Variants in SETBP1 observed in about 807,000 individuals in gnomAD.
SETBP1 encodes the protein SET binding protein 1, also known as SET-binding protein.
Under a neutral mutation model 101.0 loss-of-function variants are expected in SETBP1, and 9 were observed. The ratio of observed to expected loss-of-function variants is 0.09; its 90% CI spans 0.05 to 0.16. The LOEUF is 0.16. SETBP1 is among the 10% of genes least tolerant of loss of function. The pLI is 1.00. For synonymous variants in SETBP1, 818 were observed against 788.5 expected (o/e 1.04, Z -0.63); for missense variants, 1,858 against 2,033.8 (o/e 0.91, Z 1.66).
intron 5 of SETBP1, among the ~76,000 whole-genome samples, chr18:45,050,256 C>A (rs1408724099): frequency 6.6e-6 from 1 of 152,192 alleles, no homozygotes; most frequent in East Asian, 1.9e-4. Flanking sequence ...AGGTATGATA[C>A]AAAGCATAGC....
At chr18:44,680,583 C>T (rs1280940676), upstream of SETBP1, among the ~76,000 whole-genome samples, 3 of 152,034 alleles carry the variant, frequency 2.0e-5, no homozygotes, top group Admixed American at 6.5e-5. Context: ...GGCGGGATGC[C>T]GGTCCGGGCG....
intron 4 of SETBP1, among the ~76,000 whole-genome samples, chr18:44,977,373 C>G (rs765147854): frequency 6.6e-6 from 1 of 152,186 alleles, no homozygotes; most frequent in Non-Finnish European, 1.5e-5. Context: ...AAACCCTGGC[C>G]AATGTACAAT....
chr18:44,880,040 C>T (rs754127495), intron 3 of SETBP1, among the ~76,000 whole-genome samples: 7 of 152,242 alleles, frequency 4.6e-5, no homozygotes, highest in Non-Finnish European at 1.0e-4. Context: ...GGCTCCTACC[C>T]TGTGGAAGAT....
At chr18:44,852,561 A>G (rs138700879) in intron 2 of SETBP1, among the ~76,000 whole-genome samples, 1 of 152,162 alleles carries the variant, frequency 6.6e-6, no homozygotes, top group African/African-American at 2.4e-5. Context: ...TAATATTCTC[A>G]CTAATATCAT....
intron 5 of SETBP1, among the ~76,000 whole-genome samples, chr18:45,055,428 A>C (rs912213281): frequency 6.6e-6 from 1 of 152,166 alleles, no homozygotes; most frequent in Non-Finnish European, 1.5e-5. Context: ...TTTAAATTTC[A>C]TTTTACCTAT....
At chr18:44,875,320 A>T (rs901001484) in intron 3 of SETBP1, among the ~76,000 whole-genome samples, 1 of 151,886 alleles carries the variant, frequency 6.6e-6, no homozygotes, top group African/African-American at 2.4e-5. Context: ...AGAGATCGAG[A>T]CCTCCTGGCC....
chr18:45,051,997 C>T (rs192649205), intron 5 of SETBP1, among the ~76,000 whole-genome samples: 7 of 151,616 alleles, frequency 4.6e-5, no homozygotes, highest in Non-Finnish European at 1.0e-4. Flanking sequence ...CAAAATAGAT[C>T]GTAAGTGCTA....
At chr18:44,898,231 T>C (rs2069954976) in intron 3 of SETBP1, among the ~76,000 whole-genome samples, 2 of 152,220 alleles carry the variant, frequency 1.3e-5, no homozygotes, top group African/African-American at 4.8e-5. Context: ...TTATAACTCA[T>C]GACCTTTAAA....
intron 2 of SETBP1, among the ~76,000 whole-genome samples, chr18:44,719,801 A>T (rs1046669843): frequency 6.6e-6 from 1 of 152,110 alleles, no homozygotes; most frequent in Non-Finnish European, 1.5e-5. Context: ...TGCTCATCTT[A>T]TTTAACACTG....
intron 4 of SETBP1, among the ~76,000 whole-genome samples, chr18:44,978,467 A>T (rs2145224262): frequency 6.6e-6 from 1 of 152,326 alleles, no homozygotes; most frequent in South Asian, 2.1e-4. Context: ...TAGGAATCTA[A>T]TCCTGATAGT....
chr18:44,717,188 C>T (rs1392252286), intron 2 of SETBP1, among the ~76,000 whole-genome samples: 1 of 152,198 alleles, frequency 6.6e-6, no homozygotes, highest in Non-Finnish European at 1.5e-5. Flanking sequence ...GGTGCTCAGG[C>T]AGCTGAACCC....
chr18:44,864,850 C>G (rs914460015), intron 2 of SETBP1, among the ~76,000 whole-genome samples: 2 of 151,962 alleles, frequency 1.3e-5, no homozygotes, highest in Non-Finnish European at 2.9e-5. Flanking sequence ...TTGGATCCCC[C>G]TCAACCCTAG....
At chr18:44,749,083 A>G (rs1202815435) in intron 2 of SETBP1, among the ~76,000 whole-genome samples, 1 of 152,154 alleles carries the variant, frequency 6.6e-6, no homozygotes, top group Non-Finnish European at 1.5e-5. Context: ...CATTATCTAC[A>G]AAGAGCAGCA....
At chr18:44,762,736 G>A (rs1038820067) in intron 2 of SETBP1, among the ~76,000 whole-genome samples, 13 of 152,330 alleles carry the variant, frequency 8.5e-5, no homozygotes, top group African/African-American at 2.6e-4. Context: ...TAACAGTTCC[G>A]TCACCATCAA....
At chr18:44,704,977 C>G (rs1439729144) in intron 2 of SETBP1, among the ~76,000 whole-genome samples, 1 of 152,080 alleles carries the variant, frequency 6.6e-6, no homozygotes, top group Non-Finnish European at 1.5e-5. Flanking sequence ...CTTTGAGCTG[C>G]TAGTGATTCC....
At chr18:44,939,754 A>G (rs1234425626) in intron 3 of SETBP1, among the ~76,000 whole-genome samples, 1 of 152,208 alleles carries the variant, frequency 6.6e-6, no homozygotes, top group Admixed American at 6.5e-5. Context: ...ATCCCAGTGA[A>G]TGTGCAATGG....
chr18:44,938,000 T>C (rs569639163), intron 3 of SETBP1, among the ~76,000 whole-genome samples: 2 of 152,326 alleles, frequency 1.3e-5, no homozygotes, highest in African/African-American at 2.4e-5. Context: ...GCTCCAGATA[T>C]TGTTTCGTCC....
At chr18:44,869,447 G>C (rs2069218549) in intron 3 of SETBP1, 164 bp downstream of exon 3, 1 of 705,526 alleles carries the variant, frequency 1.4e-6, no homozygotes, top group Non-Finnish European at 2.6e-6. Flanking sequence ...TCCTCCTCCA[G>C]CTCCTCTCAT....
intron 3 of SETBP1, among the ~76,000 whole-genome samples, chr18:44,931,082 A>G (rs2070822989): frequency 1.3e-5 from 2 of 152,224 alleles, no homozygotes; most frequent in Admixed American, 1.3e-4. Context: ...ATTTAGTGCT[A>G]TAAATTTCTC....
Sources: allele counts gnomAD v4.1 joint callset (sites outside exome capture counted in the v4.1 genomes callset), GRCh38; gene constraint gnomAD v4.1.1; transcripts MANE v1.5; gene names NCBI Gene and HGNC (gene_info 2026-07-23, HGNC 2026-07-21).